The following AKAP13 variants were observed in gnomAD, a reference collection of about 807,000 sequenced individuals.
AKAP13 encodes the protein A-kinase anchor protein 13.
In AKAP13, 80 loss-of-function variants were observed where a neutral mutation model predicts 264.5. The ratio of observed to expected loss-of-function variants is 0.30; its 90% CI spans 0.25 to 0.36. The LOEUF is 0.36. Ranked by LOEUF, AKAP13 falls within the 10% of genes least tolerant of loss-of-function variation. AKAP13 has a pLI of 1.00. For synonymous variants in AKAP13, 1,380 were observed against 1,250.2 expected, an observed-to-expected ratio of 1.10 and a Z score of -2.19; for missense variants, 3,712 against 3,435.2, an observed-to-expected ratio of 1.08 and a Z score of -2.01.
intron 1 of AKAP13, among the ~76,000 whole-genome samples, chr15:85,408,840 C>T (rs920259184): frequency 1.3e-5 from 2 of 151,648 alleles, no homozygotes; most frequent in Non-Finnish European, 2.9e-5. Context: ...GCGTATGTAC[C>T]CAGAGGTGGA....
chr15:85,699,482 A>G (rs1240789657), intron 17 of AKAP13, among the ~76,000 whole-genome samples: 1 of 152,178 alleles, frequency 6.6e-6, no homozygotes, highest in African/African-American at 2.4e-5. Context: ...AATATCTGAA[A>G]GGCTATACAC....
At chr15:85,586,934 AAAAAAAT>A (rs1267659799) in intron 8 of AKAP13, among the ~76,000 whole-genome samples, 1,171 of 110,630 alleles carry the variant, frequency 0.011, 16 homozygotes, top group African/African-American at 0.035. Flanking sequence ...TCTCAAAAAA[AAAAAAAT>A]AAGAGAATAA....
chr15:85,662,454 G>C, intron 12 of AKAP13: 1 of 1,614,162 alleles, frequency 6.2e-7, no homozygotes, highest in East Asian at 2.2e-5. Context: ...ATTACAGAAG[G>C]TATGATATTG....
chr15:85,601,055 G>C (rs2080042233), intron 8 of AKAP13, among the ~76,000 whole-genome samples: 1 of 152,196 alleles, frequency 6.6e-6, no homozygotes, highest in African/African-American at 2.4e-5. Flanking sequence ...CTTCTTAAAT[G>C]CTGAGCAAAA....
intron 19 of AKAP13, among the ~76,000 whole-genome samples, chr15:85,714,618 G>A (rs1209175266): frequency 3.9e-5 from 6 of 152,178 alleles, no homozygotes; most frequent in South Asian, 4.1e-4. Context: ...CATGGTGAAC[G>A]GTCCTAAAGA....
chr15:85,529,003 AATCC>A (rs1207412176), intron 3 of AKAP13, among the ~76,000 whole-genome samples: 3 of 152,200 alleles, frequency 2.0e-5, no homozygotes, highest in South Asian at 2.1e-4. Context: ...ACTAACTGAA[AATCC>A]TGCTATTGTT....
chr15:85,495,210 G>A (rs998963099), intron 2 of AKAP13, among the ~76,000 whole-genome samples: 4 of 152,128 alleles, frequency 2.6e-5, no homozygotes, highest in Non-Finnish European at 4.4e-5. Flanking sequence ...GGAACAGTAA[G>A]GCTTTCTCTT....
intron 1 of AKAP13, among the ~76,000 whole-genome samples, chr15:85,438,554 C>G (rs1206501166): frequency 6.8e-6 from 1 of 146,470 alleles, no homozygotes; most frequent in Non-Finnish European, 1.5e-5. Flanking sequence ...ATCACACTAC[C>G]TGACTTCAAA....
chr15:85,630,210 T>A (rs1478409064), intron 8 of AKAP13, among the ~76,000 whole-genome samples: 331 of 11,898 alleles, frequency 0.028, 13 homozygotes, highest in Non-Finnish European at 0.041. Context: ...CACACACACA[T>A]CATGAACTAA....
At chr15:85,681,664 A>T (rs1473895110) in intron 14 of AKAP13, among the ~76,000 whole-genome samples, 1 of 140,952 alleles carries the variant, frequency 7.1e-6, no homozygotes, top group Non-Finnish European at 1.6e-5. Flanking sequence ...GCCAGCTCTG[A>T]TGCTCTTTCC....
chr15:85,742,313 C>A (rs935979791), intron 35 of AKAP13, among the ~76,000 whole-genome samples: 1 of 152,176 alleles, frequency 6.6e-6, no homozygotes, highest in South Asian at 2.1e-4. Context: ...ATGGCCCCAA[C>A]CTGAAGGAAC....
intron 2 of AKAP13, among the ~76,000 whole-genome samples, chr15:85,515,849 T>C (rs777376195): frequency 7.6e-6 from 1 of 130,924 alleles, no homozygotes; most frequent in Non-Finnish European, 1.6e-5. Flanking sequence ...TCCTTTTTTT[T>C]TTAAATCATT....
chr15:85,743,393 C>A, intron 35 of AKAP13, 99 bp from the exon 36 acceptor site: 2 of 1,331,818 alleles, frequency 1.5e-6, no homozygotes, highest in African/African-American at 1.5e-5. Context: ...GGTAAGTACC[C>A]AGCCAGCACA....
In AKAP13 at chr15:85,427,534, T is replaced by G. The variant is rs572681545; in HGVS notation, c.-12+46736T>G. ...GTGTGTGTGTGCGCACACACACGCTTTAAAAGTAAAACATTAACCATGTAT... is the reference window on the plus strand; with the variant it reads ...GTGTGTGTGTGCGCACACACACGCTGTAAAAGTAAAACATTAACCATGTAT... On this transcript the variant is annotated intron_variant, in intron 1 of 36. Coordinates refer to ENST00000394518, the MANE Select transcript of AKAP13 (RefSeq NM_007200.5). Among the ~76,000 whole-genome samples, 5 of 152,238 alleles carry G rather than the reference T, an allele frequency of 3.3e-5. No individual in the cohort carries two copies. In the South Asian group the frequency reaches 1.0e-3, roughly 32 times the overall value.
chr15:85,613,713 T>TATATATATGTATGTA, intron 8 of AKAP13, among the ~76,000 whole-genome samples: 2 of 111,024 alleles, frequency 1.8e-5, no homozygotes, highest in East Asian at 6.9e-4. Context: ...TATATATATA[T>TATATATATGTATGTA]TAGGAGTGCT....
At chr15:85,682,782 C>G (rs930449809) in intron 15 of AKAP13, among the ~76,000 whole-genome samples, 2 of 152,178 alleles carry the variant, frequency 1.3e-5, no homozygotes, top group Non-Finnish European at 2.9e-5. Flanking sequence ...ATTCTCCTGC[C>G]TCAGCCTCCT....
chr15:85,431,614 G>C (rs2073027108), intron 1 of AKAP13, among the ~76,000 whole-genome samples: 2 of 152,124 alleles, frequency 1.3e-5, no homozygotes, highest in Non-Finnish European at 1.5e-5. Context: ...ATGAGGTGCT[G>C]GTTACCTTGC....
At chr15:85,649,512 G>C (rs2082707715) in intron 10 of AKAP13, among the ~76,000 whole-genome samples, 1 of 152,186 alleles carries the variant, frequency 6.6e-6, no homozygotes, top group South Asian at 2.1e-4. Flanking sequence ...ATAATCTGTA[G>C]GCGAGACATT....
intron 33 of AKAP13, 22 bp downstream of exon 33, chr15:85,736,156 T>A: frequency 6.4e-7 from 1 of 1,563,650 alleles, no homozygotes; most frequent in Non-Finnish European, 8.8e-7. Context: ...ATGAACTATT[T>A]AAGAAAATAT....
Sources: allele counts gnomAD v4.1 joint callset (sites outside exome capture counted in the v4.1 genomes callset), GRCh38; gene constraint gnomAD v4.1.1; transcripts MANE v1.5; gene names NCBI Gene and HGNC (gene_info 2026-07-23, HGNC 2026-07-21).